Variants in CCDC88A observed in about 807,000 individuals in gnomAD.
CCDC88A encodes the protein coiled-coil and HOOK domain protein 88A, also known as girdin.
Under a neutral mutation model 234.3 loss-of-function variants are expected in CCDC88A, and 54 were observed. The ratio of observed to expected loss-of-function variants is 0.23; its 90% CI spans 0.19 to 0.29. The LOEUF (loss-of-function observed/expected upper bound fraction) is 0.29, where lower values mean the gene tolerates loss of function less well. Ranked by LOEUF, CCDC88A falls within the 10% of genes least tolerant of loss-of-function variation. The pLI, the probability that CCDC88A is intolerant of heterozygous loss-of-function variation, is 1.00. For synonymous variants in CCDC88A, 753 were observed against 737.8 expected (o/e 1.02, Z -0.33); for missense variants, 1,832 against 2,123.4 (o/e 0.86, Z 2.70).
intron 7 of CCDC88A, among the ~76,000 whole-genome samples, chr2:55,359,821 T>C (rs1273149892): frequency 6.7e-6 from 1 of 148,538 alleles, no homozygotes; most frequent in Non-Finnish European, 1.5e-5. Context: ...TAATTTATAC[T>C]GAAGAATGAA....
intron 6 of CCDC88A, among the ~76,000 whole-genome samples, chr2:55,363,413 A>G (rs926452978): frequency 6.6e-6 from 1 of 152,010 alleles, no homozygotes; most frequent in Non-Finnish European, 1.5e-5. Context: ...AGACATAGAA[A>G]CAGCAGCTTT....
chr2:55,416,443 A>AATATATAT (rs60840841), intron 2 of CCDC88A, among the ~76,000 whole-genome samples: 24 of 15,782 alleles, frequency 1.5e-3, no homozygotes, highest in East Asian at 2.7e-3. Flanking sequence ...TAAATAAATA[A>AATATATAT]ATATATATAT....
intron 9 of CCDC88A, among the ~76,000 whole-genome samples, chr2:55,346,656 G>A (rs1669148964): frequency 6.6e-6 from 1 of 152,092 alleles, no homozygotes; most frequent in Non-Finnish European, 1.5e-5. Context: ...CTGACCTCAG[G>A]TGATCCACCT....
At chr2:55,291,941 A>C in intron 31 of CCDC88A, 166 bp from the exon 32 acceptor site, 1 of 502,020 alleles carries the variant, frequency 2.0e-6, no homozygotes, top group Non-Finnish European at 3.5e-6. Context: ...ATCGATTTTT[A>C]TATTTTAAAG....
At position 55,419,112 on chromosome 2, in the gene CCDC88A, C is replaced by T. The variant is rs780502020; in HGVS notation, c.-33G>A. 2 of 1,337,684 alleles carry T rather than the reference C, an allele frequency of 1.5e-6. No individual in the cohort carries two copies. The highest frequency in any genetic ancestry group is 2.3e-5 in the East Asian group (1 of 43,566). The allele number at this position is 1,337,684 out of a possible 1,614,324, so 82.9% of individuals were successfully genotyped here. On this transcript the variant is annotated 5_prime_UTR_variant, in exon 1 of 33. Transcript: ENST00000436346. ...AGTATGTATTTGAAAAAAGGAACTA[C>T]CACAAAAATACGCCTAGGGAATTGG...
intron 12 of CCDC88A, among the ~76,000 whole-genome samples, chr2:55,341,731 C>T (rs1403639180): frequency 6.6e-6 from 1 of 152,186 alleles, no homozygotes; most frequent in Non-Finnish European, 1.5e-5. Context: ...GTGTGAGCCA[C>T]TGCACCTGGC....
chr2:55,408,745 ACTTT>A (rs1680003636), intron 2 of CCDC88A, among the ~76,000 whole-genome samples: 1 of 152,060 alleles, frequency 6.6e-6, no homozygotes. Context: ...ATATTCCTCT[ACTTT>A]CTTAATAAAC....
At chr2:55,341,938 A>C (rs1307831594) in intron 12 of CCDC88A, among the ~76,000 whole-genome samples, 1 of 152,074 alleles carries the variant, frequency 6.6e-6, no homozygotes, top group East Asian at 1.9e-4. Context: ...ACCCAGGAGC[A>C]AAACTGCTGA....
chr2:55,367,148 T>C (rs1379420323), intron 5 of CCDC88A, among the ~76,000 whole-genome samples: 3 of 152,112 alleles, frequency 2.0e-5, no homozygotes, highest in Non-Finnish European at 2.9e-5. Flanking sequence ...AATAAGCCCA[T>C]CAAAAGGACA....
At chr2:55,418,065 A>G (rs907623514) in intron 2 of CCDC88A, 1 of 152,162 alleles carries the variant, frequency 6.6e-6, no homozygotes, top group Non-Finnish European at 1.5e-5. Context: ...CCAGCTACCA[A>G]TATACTTTCA....
intron 9 of CCDC88A, 139 bp from the exon 10 acceptor site, chr2:55,346,472 T>G: frequency 2.4e-6 from 1 of 424,990 alleles, no homozygotes; most frequent in Non-Finnish European, 4.0e-6. Context: ...CAGGCTGGAG[T>G]GCAATGGTGC....
intron 2 of CCDC88A, among the ~76,000 whole-genome samples, chr2:55,416,443 AAT>A (rs60840841): frequency 0.012 from 184 of 15,818 alleles, no homozygotes; most frequent in East Asian, 0.038. Context: ...TAAATAAATA[AAT>A]ATATATATAT....
chr2:55,356,821 A>T (rs959964603), intron 7 of CCDC88A: 4 of 152,052 alleles, frequency 2.6e-5, no homozygotes, highest in Admixed American at 2.6e-4. Context: ...AATCTCAGCT[A>T]CCCGGGAGGC....
intron 3 of CCDC88A, among the ~76,000 whole-genome samples, chr2:55,384,890 C>T (rs967644146): frequency 1.3e-5 from 2 of 151,766 alleles, no homozygotes; most frequent in Admixed American, 6.6e-5. Flanking sequence ...CTCCAGACCT[C>T]CAGTGATCCA....
In CCDC88A at chr2:55,409,738, C is replaced by CTT. The variant is rs61703330; in HGVS notation, c.164+9076_164+9077dup. 6.1e-4 allele frequency among the ~76,000 whole-genome samples: 68 copies of CTT among 111,700 alleles called. 5 individuals carry two copies. The highest frequency in any genetic ancestry group is 1.8e-3 in the African/African-American group (44 of 23,976). 73.3% of individuals were successfully genotyped at this position (111,700 alleles called of 152,430 possible). On this transcript the variant is annotated intron_variant, in intron 2 of 32. Coordinates refer to ENST00000436346, the MANE Select transcript of CCDC88A (RefSeq NM_001365480.1). ...CAGGGGGATGTGCCTATATACCTCCCTTTTTTTTTTTTTTTTTTTTTTCAG... is the reference window on the plus strand; with the variant it reads ...CAGGGGGATGTGCCTATATACCTCCCTTTTTTTTTTTTTTTTTTTTTTTTCAG...
In CCDC88A at chr2:55,289,195, T is replaced by C. The variant is rs1208749588; in HGVS notation, c.*2005A>G. On this transcript the variant is annotated 3_prime_UTR_variant, in exon 33 of 33. Coordinates refer to ENST00000436346, the MANE Select transcript of CCDC88A (RefSeq NM_001365480.1). ...CTGGAGAGGTCAAGCTGTAATGTCA[T>C]TCGCCCTCATTGGGCTACATCACCA... 1 of 152,618 alleles carries C rather than the reference T, an allele frequency of 6.6e-6. No individual in the cohort carries two copies. Among genetic ancestry groups the C allele is most frequent in the East Asian group, 1.9e-4 (1 of 5,200 alleles). 9.5% of individuals were successfully genotyped at this position (152,618 alleles called of 1,614,324 possible).
intron 17 of CCDC88A, among the ~76,000 whole-genome samples, chr2:55,326,715 C>T (rs560179918): frequency 3.3e-5 from 5 of 152,142 alleles, no homozygotes; most frequent in South Asian, 2.1e-4. Context: ...TACAGGTGCC[C>T]GCCACCACGC....
rs2104630205 is a variant in CCDC88A at position 55,319,010 on chromosome 2, A to G, written c.3163-6T>C. The G allele has an allele frequency of 6.2e-7, 1 of 1,609,838 alleles. No homozygotes were observed. Among genetic ancestry groups the G allele is most frequent in the Non-Finnish European group, 8.5e-7 (1 of 1,177,528 alleles). On this transcript the variant is annotated splice_region_variant and splice_polypyrimidine_tract_variant and intron_variant, in intron 18 of 32. Transcript: ENST00000436346. ...TCTGCTTGCAGTGTAGCATTCTTGA[A>G]AAACAAAAACCAAAACCAAACATAT... is the stretch of plus-strand genomic sequence containing the variant.
At chr2:55,367,133 A>G (rs571705558) in intron 5 of CCDC88A, among the ~76,000 whole-genome samples, 1 of 152,360 alleles carries the variant, frequency 6.6e-6, no homozygotes, top group Admixed American at 6.5e-5. Context: ...CATTACGCTA[A>G]GTGAAATAAG....
Sources: gnomAD v4.1 joint callset for allele counts (sites outside exome capture counted in the v4.1 genomes callset) on GRCh38, gnomAD v4.1.1 for gene constraint, MANE v1.5 for transcripts, NCBI Gene and HGNC (gene_info 2026-07-23, HGNC 2026-07-21) for gene names.